Variants in GABBR1 observed in about 807,000 individuals in gnomAD.
GABBR1 encodes gamma-aminobutyric acid type B receptor subunit 1, also known as GABA-B receptor, R1 subunit.
In GABBR1, 35 loss-of-function variants were observed where a neutral mutation model predicts 117.7. That is an observed-to-expected ratio of 0.30 (90% CI 0.23 to 0.39). The LOEUF is 0.39. Among genes scored for constraint, GABBR1 ranks in the 10% least tolerant of loss-of-function variants. The pLI, the probability that GABBR1 is intolerant of heterozygous loss-of-function variation, is 1.00. For missense variants in GABBR1, 709 were observed against 1,241.8 expected (o/e 0.57, Z 6.45); for synonymous variants, 442 against 486.6 (o/e 0.91, Z 1.21).
rs1436465666 is a variant in GABBR1, at chr6:29,632,735, C to T, written c.-1+115G>A. The T allele has an allele frequency of 4.2e-5, 54 of 1,273,478 alleles. No homozygotes were observed. Among genetic ancestry groups the T allele is most frequent in the Non-Finnish European group, 5.5e-5 (54 of 988,260 alleles). The allele number at this position is 1,273,478 out of a possible 1,614,324, so 78.9% of individuals were successfully genotyped here. A position where few individuals can be genotyped will look rare whatever the true frequency, so the allele number is the denominator to read the frequency against. ...GCTCCCCGATTCCATCCCCGCGGTT[C>T]CTCCTCTCCCCCAGCCCCGCTTCCC... On this transcript the variant is annotated intron_variant, in intron 1 of 22. Coordinates refer to ENST00000377034, the MANE Select transcript of GABBR1 (RefSeq NM_001470.4). The surrounding 1 kb of genome is among the most constrained non-coding windows in gnomAD (Gnocchi z 5.8).
At position 29,608,621 on chromosome 6, in the gene GABBR1, G is replaced by A; in HGVS notation, c.1972C>T (p.Gln658Ter). ...GLDGYHIGRN[Q>*]FPFVCQARLW... Reference sequence around the variant, plus strand: ...CTCACCTGGCAGACGAAAGGAAACTGGTTCCTCCCAATGTGGTAACCATCG... The same window carrying A: ...CTCACCTGGCAGACGAAAGGAAACTAGTTCCTCCCAATGTGGTAACCATCG... Residue 658 changes from glutamine (Q) to a stop codon, truncating the protein, a stop_gained, in exon 16 of 23, where the codon CAG (glutamine) becomes TAG (stop). Transcript: ENST00000377034. LOFTEE classifies it high-confidence loss of function. 2 of 1,612,936 alleles carry A rather than the reference G, an allele frequency of 1.2e-6. No homozygotes were observed. Among genetic ancestry groups the A allele is most frequent in the Non-Finnish European group, 1.7e-6 (2 of 1,179,954 alleles).
At position 29,627,448 on chromosome 6, in the gene GABBR1, A is replaced by ACCCCCCCCCCCCCCCCC; in HGVS notation, c.657+37_657+38insGGGGGGGGGGGGGGGGG. ...CAGCTGGCTGGCCCCCTGCCCCGCA[A>ACCCCCCCCCCCCCCCCC]GCCCCCACCTCCCACCCACCCCCAT... On this transcript the variant is annotated intron_variant, in intron 6 of 22. Coordinates refer to ENST00000377034, the MANE Select transcript of GABBR1 (RefSeq NM_001470.4). The surrounding 1 kb of genome is among the most constrained non-coding windows in gnomAD (Gnocchi z 4.4). The ACCCCCCCCCCCCCCCCC allele has an allele frequency of 2.3e-6, 3 of 1,290,314 alleles. No individual in the cohort carries two copies. The highest frequency in any genetic ancestry group is 2.6e-5 in the South Asian group (2 of 78,348). 79.9% of individuals were successfully genotyped at this position (1,290,314 alleles called of 1,614,324 possible).
intron 11 of GABBR1, among the ~76,000 whole-genome samples, chr6:29,614,981 C>CAAAAAAAAAAAA (rs202165362): frequency 1.2e-5 from 1 of 81,174 alleles, no homozygotes; most frequent in African/African-American, 5.4e-5. Context: ...TAAAACTGCT[C>CAAAAAAAAAAAA]AAAAAAAAAA....
In GABBR1 at chr6:29,605,464, C is replaced by T. The variant is rs761819385; in HGVS notation, c.2439+105G>A. 7 of 1,408,338 alleles carry T rather than the reference C, an allele frequency of 5.0e-6. No homozygotes were observed. The highest frequency in any genetic ancestry group is 2.3e-5 in the East Asian group (1 of 43,666). 87.2% of individuals were successfully genotyped at this position (1,408,338 alleles called of 1,614,324 possible). A position where few individuals can be genotyped will look rare whatever the true frequency, so the allele number is the denominator to read the frequency against. ...TGAAGAATTAACAAACTTTTTAAGACTTCTAAGCAACCGATCCCAGATCTA... is the reference window on the plus strand; with the variant it reads ...TGAAGAATTAACAAACTTTTTAAGATTTCTAAGCAACCGATCCCAGATCTA... On this transcript the variant is annotated intron_variant, in intron 20 of 22. Coordinates refer to ENST00000377034, the MANE Select transcript of GABBR1 (RefSeq NM_001470.4). This position sits in a 1 kb window ranked among gnomAD's most constrained non-coding sequence, Gnocchi z 4.2.
chr6:29,623,611 G>T lies in GABBR1; in HGVS notation c.793-136C>A. The T allele has an allele frequency of 2.3e-6, 2 of 879,622 alleles. No individual in the cohort carries two copies. The highest frequency in any genetic ancestry group is 3.4e-6 in the Non-Finnish European group (2 of 585,364). The allele number at this position is 879,622 out of a possible 1,614,324, so 54.5% of individuals were successfully genotyped here. A position where few individuals can be genotyped will look rare whatever the true frequency, so the allele number is the denominator to read the frequency against. ...CTCCAAACCTCCCCACCTCTGGTCT[G>T]CCTAAGGAAAAGAGATTCTCAAAGG... On this transcript the variant is annotated intron_variant, in intron 7 of 22. Transcript: ENST00000377034. The surrounding 1 kb of genome is among the most constrained non-coding windows in gnomAD (Gnocchi z 6.2).
chr6:29,607,036 CA>C lies in GABBR1; in HGVS notation c.2110-33del, dbSNP rs767680308. On this transcript the variant is annotated intron_variant, in intron 17 of 22. Coordinates refer to ENST00000377034, the MANE Select transcript of GABBR1 (RefSeq NM_001470.4). The surrounding 1 kb of genome is among the most constrained non-coding windows in gnomAD (Gnocchi z 5.0). The stretch of plus-strand genomic sequence containing the variant: ...AAATATGTGGGGAGAACAGGCACGT[CA>C]GGGGAAAATGCTCTGTGCCCCAGGA... 19 of 1,611,408 alleles carry C rather than the reference CA, an allele frequency of 1.2e-5. No individual in the cohort carries two copies. Among genetic ancestry groups the C allele is most frequent in the Non-Finnish European group, 1.5e-5 (18 of 1,177,608 alleles).
At chr6:29,619,604 C>T (rs1289574727) in intron 11 of GABBR1, among the ~76,000 whole-genome samples, 1 of 151,690 alleles carries the variant, frequency 6.6e-6, no homozygotes, top group African/African-American at 2.4e-5. Flanking sequence ...GATCCTCTGC[C>T]TTGGCCTCCC....
chr6:29,617,730 C>T (rs1763305098), intron 11 of GABBR1, among the ~76,000 whole-genome samples: 1 of 152,174 alleles, frequency 6.6e-6, no homozygotes, highest in Admixed American at 6.5e-5. Context: ...AGACTGAAGC[C>T]TTGGAATTAC....
In GABBR1 at chr6:29,605,523, T is replaced by C; in HGVS notation, c.2439+46A>G. 1.9e-6 allele frequency: 3 copies of C among 1,605,282 alleles called. No individual in the cohort carries two copies. The highest frequency in any genetic ancestry group is 2.2e-5 in the East Asian group (1 of 44,780). The stretch of plus-strand genomic sequence containing the variant: ...TCTTCCTAGTCCTCTATATCTGGGC[T>C]GCTGTGGTCAGCCTACAGGGTCAAT... On this transcript the variant is annotated intron_variant, in intron 20 of 22. Transcript: ENST00000377034. The surrounding 1 kb of genome is among the most constrained non-coding windows in gnomAD (Gnocchi z 4.2).
intron 4 of GABBR1, among the ~76,000 whole-genome samples, chr6:29,629,556 G>C (rs954696817): frequency 2.0e-5 from 3 of 152,142 alleles, no homozygotes; most frequent in Non-Finnish European, 4.4e-5. Context: ...GGCCCTGTAG[G>C]TGAGGAACCT....
chr6:29,607,861 C>T lies in GABBR1; in HGVS notation c.1993-643G>A, dbSNP rs2127395904. ...GCAGATCCCTACTCTGGAACCTCTCCTATTGCACTACAGCTAATTGTCTGC... is the reference window on the plus strand; with the variant it reads ...GCAGATCCCTACTCTGGAACCTCTCTTATTGCACTACAGCTAATTGTCTGC... On this transcript the variant is annotated intron_variant, in intron 16 of 22. Transcript: ENST00000377034. This position sits in a 1 kb window ranked among gnomAD's most constrained non-coding sequence, Gnocchi z 5.0. Among the ~76,000 whole-genome samples, 1 of 152,354 alleles carries T rather than the reference C, an allele frequency of 6.6e-6. No individual in the cohort carries two copies. Among genetic ancestry groups the T allele is most frequent in the South Asian group, 2.1e-4 (1 of 4,822 alleles).
chr6:29,605,050 T>C lies in GABBR1; in HGVS notation c.2440-62A>G. 2 of 1,517,742 alleles carry C rather than the reference T, an allele frequency of 1.3e-6. No individual in the cohort carries two copies. Among genetic ancestry groups the C allele is most frequent in the Non-Finnish European group, 1.8e-6 (2 of 1,131,720 alleles). The allele number at this position is 1,517,742 out of a possible 1,614,324, so 94.0% of individuals were successfully genotyped here. A position where few individuals can be genotyped will look rare whatever the true frequency, so the allele number is the denominator to read the frequency against. ...GCAGGCTCAGACAAGATCCAGAGTT[T>C]ACTTCCCATGGGAGGGAGTCTATGC... On this transcript the variant is annotated intron_variant, in intron 20 of 22. Coordinates refer to ENST00000377034, the MANE Select transcript of GABBR1 (RefSeq NM_001470.4). The surrounding 1 kb of genome is among the most constrained non-coding windows in gnomAD (Gnocchi z 4.2).
chr6:29,628,608 T>G (rs1764620364), intron 5 of GABBR1, among the ~76,000 whole-genome samples: 1 of 141,362 alleles, frequency 7.1e-6, no homozygotes, highest in African/African-American at 2.6e-5. Context: ...AGGGAAGGGG[T>G]ACACGGAAGG....
At position 29,621,810 on chromosome 6, in the gene GABBR1, T is replaced by C; in HGVS notation, c.1073A>G (p.Asp358Gly). The C allele has an allele frequency of 6.2e-7, 1 of 1,614,164 alleles. No homozygotes were observed. The highest frequency in any genetic ancestry group is 8.5e-7 in the Non-Finnish European group (1 of 1,180,028). The change falls in exon 10 of 23, where the codon GAT (aspartate) becomes GGT (glycine). Residue 358 changes from aspartate (D) to glycine (G), a missense_variant. Asp to Gly is a moderately conservative substitution (Grantham distance 94). Around this residue, in one of 9 missense-constraint regions of GABBR1, gnomAD observed 192 missense variants for 418.4 expected, o/e 0.46. Coordinates refer to ENST00000377034, the MANE Select transcript of GABBR1 (RefSeq NM_001470.4). This position sits in a 1 kb window ranked among gnomAD's most constrained non-coding sequence, Gnocchi z 5.0. ...GAAAAGTCCCACGATGATTCGGGCA[T>C]CCTGGCGCTACAACAGAGAAAGAAA... ...AVPVKNLKRQ[D>G]ARIIVGLFYE... is the part of the protein sequence containing the mutation.
intron 6 of GABBR1, among the ~76,000 whole-genome samples, chr6:29,625,671 A>G (rs1764199348): frequency 6.6e-6 from 1 of 151,852 alleles, no homozygotes; most frequent in Non-Finnish European, 1.5e-5. Flanking sequence ...GATGCCTCTG[A>G]TGTTCTCCAG....
chr6:29,611,078 C>G lies in GABBR1; in HGVS notation c.1631-77G>C. 2 of 1,145,172 alleles carry G rather than the reference C, an allele frequency of 1.7e-6. No homozygotes were observed. Among genetic ancestry groups the G allele is most frequent in the South Asian group, 2.5e-5 (2 of 80,570 alleles). The allele number at this position is 1,145,172 out of a possible 1,614,324, so 70.9% of individuals were successfully genotyped here. A position where few individuals can be genotyped will look rare whatever the true frequency, so the allele number is the denominator to read the frequency against. The stretch of plus-strand genomic sequence containing the variant: ...CTAGGCATTTTCAACTTCCCACTTC[C>G]CTAGAGCTTTGCATGGTTGTATCTG... On this transcript the variant is annotated intron_variant, in intron 13 of 22. Coordinates refer to ENST00000377034, the MANE Select transcript of GABBR1 (RefSeq NM_001470.4). This position sits in a 1 kb window ranked among gnomAD's most constrained non-coding sequence, Gnocchi z 4.6.
intron 11 of GABBR1, among the ~76,000 whole-genome samples, chr6:29,615,480 G>A (rs1470229257): frequency 6.6e-6 from 1 of 151,424 alleles, no homozygotes; most frequent in Non-Finnish European, 1.5e-5. Flanking sequence ...GTGTTGGTGG[G>A]CTCCCGTAAT....
At chr6:29,612,289 T>C in intron 13 of GABBR1, among the ~76,000 whole-genome samples, 1 of 152,062 alleles carries the variant, frequency 6.6e-6, no homozygotes. Flanking sequence ...GTGCTGGGAT[T>C]ACAGGGGTGA....
Position 29,603,736 on chromosome 6 carries a change from T to G in GABBR1, c.2713-20A>C. ...CTCTTTCTGGAGGAAGAAGCACAAT[T>G]GGGATAGTAGGAGAAGAGGAGGTGA... On this transcript the variant is annotated intron_variant, in intron 22 of 22. Coordinates refer to ENST00000377034, the MANE Select transcript of GABBR1 (RefSeq NM_001470.4). 2 of 1,459,988 alleles carry G rather than the reference T, an allele frequency of 1.4e-6. No individual in the cohort carries two copies. Among genetic ancestry groups the G allele is most frequent in the East Asian group, 2.4e-5 (1 of 41,496 alleles). The allele number at this position is 1,459,988 out of a possible 1,614,324, so 90.4% of individuals were successfully genotyped here.
Sources: allele counts gnomAD v4.1 joint callset (sites outside exome capture counted in the v4.1 genomes callset), GRCh38; gene constraint gnomAD v4.1.1; regional missense constraint gnomAD v4.1.1; non-coding constraint Gnocchi (gnomAD v3.1); transcripts MANE v1.5; gene names NCBI Gene and HGNC (gene_info 2026-07-23, HGNC 2026-07-21).